The following SPICE1 variants were observed in gnomAD, a reference collection of about 807,000 sequenced individuals.
The protein encoded by SPICE1 is spindle and centriole-associated protein 1.
In SPICE1, 75 loss-of-function variants were observed where a neutral mutation model predicts 102.7. The observed-to-expected ratio is 0.73, with a 90% CI of 0.61 to 0.88. SPICE1 has a LOEUF of 0.88. Among genes scored for constraint, SPICE1 ranks in the 40% least tolerant of loss-of-function variants. The pLI, the probability that SPICE1 is intolerant of heterozygous loss-of-function variation, is 0.00. For synonymous variants in SPICE1, 308 were observed against 350.3 expected, an observed-to-expected ratio of 0.88 and a Z score of 1.35; for missense variants, 979 against 1,020.1, an observed-to-expected ratio of 0.96 and a Z score of 0.55.
At chr3:113,489,936 T>C (rs1936731371) in intron 6 of SPICE1, among the ~76,000 whole-genome samples, 1 of 151,906 alleles carries the variant, frequency 6.6e-6, no homozygotes, top group Non-Finnish European at 1.5e-5. Context: ...CCTACTCTTC[T>C]GGCCATTCCT....
chr3:113,508,769 G>A (rs1226318997), intron 1 of SPICE1, among the ~76,000 whole-genome samples: 2 of 152,178 alleles, frequency 1.3e-5, no homozygotes, highest in Non-Finnish European at 1.5e-5. Flanking sequence ...ACATCCAAGA[G>A]AACTAAAAAC....
At chr3:113,503,581 A>T (rs1360183585) in intron 2 of SPICE1, among the ~76,000 whole-genome samples, 1 of 152,204 alleles carries the variant, frequency 6.6e-6, no homozygotes, top group Non-Finnish European at 1.5e-5. Flanking sequence ...TAGTTTTCAC[A>T]CTGTAGTCTA....
chr3:113,495,064 A>G (rs1013109394), intron 4 of SPICE1, among the ~76,000 whole-genome samples: 7 of 152,222 alleles, frequency 4.6e-5, no homozygotes, highest in African/African-American at 1.4e-4. Flanking sequence ...AAAACAAATC[A>G]GTTTTTTACC....
chr3:113,490,573 T>C (rs1936743808), intron 6 of SPICE1, among the ~76,000 whole-genome samples: 1 of 151,404 alleles, frequency 6.6e-6, no homozygotes, highest in African/African-American at 2.4e-5. Context: ...GCCCAGGAGG[T>C]AGAGGCTGCA....
chr3:113,491,624 CAAAAAAA>C lies in SPICE1; in HGVS notation c.492+1575_492+1581del, dbSNP rs869171154. ...TGGGCGACAGAGCGAGACTCCGTCT[CAAAAAAA>C]AAAAAAAAAAAAAAAAAAGATTATC... is the stretch of plus-strand genomic sequence containing the variant. On this transcript the variant is annotated intron_variant, in intron 6 of 17. Transcript: ENST00000295872. Among the ~76,000 whole-genome samples the C allele has an allele frequency of 2.0e-3, 77 of 38,106 alleles. 1 individual carries two copies. Among genetic ancestry groups the C allele is most frequent in the Admixed American group, 7.2e-3 (26 of 3,634 alleles). The allele number at this position is 38,106 out of a possible 152,430, so 25.0% of individuals were successfully genotyped here.
At chr3:113,457,065 G>T in intron 13 of SPICE1, 71 bp downstream of exon 13, 1 of 1,428,252 alleles carries the variant, frequency 7.0e-7, no homozygotes, top group Non-Finnish European at 9.6e-7. Context: ...TTCATGTAAT[G>T]GTGAAAGTAA....
intron 1 of SPICE1, among the ~76,000 whole-genome samples, chr3:113,508,648 A>G (rs1371847293): frequency 6.6e-6 from 1 of 152,318 alleles, no homozygotes; most frequent in Non-Finnish European, 1.5e-5. Context: ...GAATCCTCAC[A>G]TATTGCTCAT....
chr3:113,510,858 A>C (rs1200924163), intron 1 of SPICE1, among the ~76,000 whole-genome samples: 1 of 152,224 alleles, frequency 6.6e-6, no homozygotes. Flanking sequence ...AAAATTTTGC[A>C]ATCTCTCCAT....
chr3:113,466,333 C>T (rs928433163), intron 10 of SPICE1, among the ~76,000 whole-genome samples: 3 of 152,132 alleles, frequency 2.0e-5, no homozygotes, highest in Non-Finnish European at 4.4e-5. Context: ...TCTGGTCGGG[C>T]GTGGTGGCTC....
At chr3:113,500,128 C>A (rs192894332) in intron 3 of SPICE1, among the ~76,000 whole-genome samples, 205 of 152,202 alleles carry the variant, frequency 1.3e-3, no homozygotes, top group African/African-American at 4.5e-3. Context: ...ATACAGAAGT[C>A]AGGGAAATAG....
chr3:113,449,798 G>A (rs1424598424), intron 15 of SPICE1: 1 of 154,508 alleles, frequency 6.5e-6, no homozygotes, highest in Non-Finnish European at 1.4e-5. Flanking sequence ...TGCAATTTCT[G>A]ATAAAAAGCA....
At chr3:113,456,279 AAC>A (rs1319616196) in intron 13 of SPICE1, among the ~76,000 whole-genome samples, 8 of 152,126 alleles carry the variant, frequency 5.3e-5, no homozygotes, top group Admixed American at 1.3e-4. Flanking sequence ...AATAATAATA[AAC>A]AGTTATTTTT....
chr3:113,477,931 TATA>T (rs1008228689), intron 7 of SPICE1, among the ~76,000 whole-genome samples: 2 of 148,870 alleles, frequency 1.3e-5, no homozygotes, highest in Admixed American at 1.3e-4. Flanking sequence ...AAACTTAAAG[TATA>T]ATAATAATAA....
chr3:113,506,675 A>T, intron 1 of SPICE1, 70 bp from the exon 2 acceptor site: 1 of 1,196,818 alleles, frequency 8.4e-7, no homozygotes, highest in African/African-American at 1.5e-5. Context: ...GAGTGGGGGA[A>T]GACACCTGAA....
chr3:113,513,059 T>A (rs139915644), intron 1 of SPICE1, among the ~76,000 whole-genome samples: 4 of 152,268 alleles, frequency 2.6e-5, no homozygotes, highest in African/African-American at 9.6e-5. Flanking sequence ...AAGCTATGAA[T>A]GTATGGACAA....
intron 7 of SPICE1, among the ~76,000 whole-genome samples, chr3:113,474,929 AATC>A (rs1475319166): frequency 6.6e-6 from 1 of 152,176 alleles, no homozygotes; most frequent in East Asian, 1.9e-4. Context: ...AAATAACTAA[AATC>A]AGAGCAGAAC....
At chr3:113,455,001 T>C (rs1032902673) in intron 13 of SPICE1, among the ~76,000 whole-genome samples, 2 of 152,210 alleles carry the variant, frequency 1.3e-5, no homozygotes, top group African/African-American at 4.8e-5. Context: ...TTGATCCTTG[T>C]AGCCAAGGAT....
In SPICE1 at chr3:113,453,816, G is replaced by A. The variant is rs764155311; in HGVS notation, c.1792C>T (p.Arg598Cys). 3.2e-5 allele frequency: 51 copies of A among 1,613,956 alleles called. No homozygotes were observed. The highest frequency in any genetic ancestry group is 3.0e-4 in the South Asian group (27 of 91,074). Residue 598 changes from arginine to cysteine, a missense_variant, in exon 14 of 18, where the codon CGT becomes TGT. Coordinates refer to ENST00000295872, the MANE Select transcript of SPICE1 (RefSeq NM_144718.4). ...TDIQNSSEENRLFTQRWRVSH... is the reference protein window; with the variant it reads ...TDIQNSSEENCLFTQRWRVSH... ...ACTCTCCATCTCTGAGTGAAGAGACGATTCTCTTCACTTGAATTCTGAATG... is the reference window on the plus strand; with the variant it reads ...ACTCTCCATCTCTGAGTGAAGAGACAATTCTCTTCACTTGAATTCTGAATG...
intron 7 of SPICE1, among the ~76,000 whole-genome samples, chr3:113,476,867 A>T (rs1384674674): frequency 6.6e-6 from 1 of 151,908 alleles, no homozygotes; most frequent in Non-Finnish European, 1.5e-5. Flanking sequence ...TTCAGGACAT[A>T]GGCATGGGCA....
Sources: gnomAD v4.1 joint callset for allele counts (sites outside exome capture counted in the v4.1 genomes callset) on GRCh38, gnomAD v4.1.1 for gene constraint, MANE v1.5 for transcripts, NCBI Gene and HGNC (gene_info 2026-07-23, HGNC 2026-07-21) for gene names.